The following CPA6 variants were observed in gnomAD, a reference collection of about 807,000 sequenced individuals.
CPA6 encodes carboxypeptidase A6.
Under a neutral mutation model 63.3 loss-of-function variants are expected in CPA6, and 58 were observed. That is an observed-to-expected ratio of 0.92 (90% confidence interval 0.74 to 1.14). CPA6 has a LOEUF of 1.14. Among genes scored for constraint, CPA6 ranks in the 50% most tolerant of loss-of-function variants. CPA6 has a pLI of 0.00. For synonymous variants in CPA6, 185 were observed against 179.0 expected (o/e 1.03, Z -0.27); for missense variants, 565 against 526.6 (o/e 1.07, Z -0.71).
intron 1 of CPA6, among the ~76,000 whole-genome samples, chr8:67,697,190 C>T (rs1816927712): frequency 6.6e-6 from 1 of 152,196 alleles, no homozygotes; most frequent in Non-Finnish European, 1.5e-5. Flanking sequence ...CTGGGAACAC[C>T]ACGAGGGCAG....
At chr8:67,472,574 C>T (rs1334317469) in intron 8 of CPA6, among the ~76,000 whole-genome samples, 3 of 151,920 alleles carry the variant, frequency 2.0e-5, no homozygotes, top group Non-Finnish European at 2.9e-5. Context: ...TACAGGCATA[C>T]GTCACCATGC....
chr8:67,570,855 A>G (rs759392942), intron 2 of CPA6, among the ~76,000 whole-genome samples: 8 of 152,190 alleles, frequency 5.3e-5, no homozygotes, highest in Non-Finnish European at 1.2e-4. Flanking sequence ...AGCATTAATT[A>G]CCTTGAATGT....
At chr8:67,636,252 G>A (rs1815467442) in intron 1 of CPA6, among the ~76,000 whole-genome samples, 1 of 151,582 alleles carries the variant, frequency 6.6e-6, no homozygotes, top group African/African-American at 2.4e-5. Flanking sequence ...CAAGCTCACT[G>A]TGGACTCTTG....
chr8:67,601,407 C>G (rs1004086866), intron 2 of CPA6, among the ~76,000 whole-genome samples: 1 of 152,144 alleles, frequency 6.6e-6, no homozygotes, highest in African/African-American at 2.4e-5. Context: ...GGTTCTTTGA[C>G]AGCACTGGAA....
intron 6 of CPA6, among the ~76,000 whole-genome samples, chr8:67,501,130 G>T (rs1811822826): frequency 1.3e-5 from 2 of 152,018 alleles, no homozygotes; most frequent in Non-Finnish European, 2.9e-5. Context: ...GATAGGAATT[G>T]TGTTAAATCT....
chr8:67,613,989 T>A (rs1177706884), intron 2 of CPA6, among the ~76,000 whole-genome samples: 1 of 152,002 alleles, frequency 6.6e-6, no homozygotes, highest in African/African-American at 2.4e-5. Flanking sequence ...CATCCCAGGA[T>A]AGGGATAGCC....
At chr8:67,633,534 A>C (rs1815392296) in intron 1 of CPA6, among the ~76,000 whole-genome samples, 1 of 152,118 alleles carries the variant, frequency 6.6e-6, no homozygotes. Context: ...ACAAAAAATT[A>C]GCCGGGCGTG....
chr8:67,567,362 T>C (rs191914188), intron 2 of CPA6, among the ~76,000 whole-genome samples: 1 of 152,244 alleles, frequency 6.6e-6, no homozygotes, highest in African/African-American at 2.4e-5. Context: ...AAATTGCTCC[T>C]ACTTTGTATT....
At chr8:67,440,728 T>C (rs1189118704) in intron 8 of CPA6, among the ~76,000 whole-genome samples, 1 of 152,154 alleles carries the variant, frequency 6.6e-6, no homozygotes, top group African/African-American at 2.4e-5. Context: ...CTAGATACTA[T>C]AGGCAATTAT....
intron 2 of CPA6, among the ~76,000 whole-genome samples, chr8:67,518,870 T>A (rs1234073773): frequency 1.3e-5 from 2 of 152,132 alleles, no homozygotes; most frequent in Non-Finnish European, 2.9e-5. Context: ...CTCCAATTCC[T>A]ACTCAGCCTT....
At chr8:67,448,940 T>C (rs545253673) in intron 8 of CPA6, among the ~76,000 whole-genome samples, 23 of 152,110 alleles carry the variant, frequency 1.5e-4, no homozygotes, top group Non-Finnish European at 2.9e-4. Flanking sequence ...AATTAAAACA[T>C]TACTTTGGTT....
chr8:67,712,253 G>C (rs186139660), intron 1 of CPA6, among the ~76,000 whole-genome samples: 1 of 152,270 alleles, frequency 6.6e-6, no homozygotes, highest in East Asian at 1.9e-4. Flanking sequence ...ACAACCTTAT[G>C]CCTTGGAGGG....
intron 2 of CPA6, among the ~76,000 whole-genome samples, chr8:67,519,292 G>C (rs1812212807): frequency 6.6e-6 from 1 of 152,258 alleles, no homozygotes; most frequent in African/African-American, 2.4e-5. Flanking sequence ...CAGGAGTTTG[G>C]AGCATCATTT....
At chr8:67,708,728 C>T (rs1324608138) in intron 1 of CPA6, among the ~76,000 whole-genome samples, 2 of 152,154 alleles carry the variant, frequency 1.3e-5, no homozygotes, top group Non-Finnish European at 2.9e-5. Context: ...ACAGAAAAAT[C>T]ACCAATGCCC....
chr8:67,635,690 C>T (rs1815453161), intron 1 of CPA6, among the ~76,000 whole-genome samples: 1 of 151,750 alleles, frequency 6.6e-6, no homozygotes, highest in East Asian at 1.9e-4. Context: ...TCACTTGAAC[C>T]TGGGAGGTGG....
At chr8:67,744,313 A>T (rs1421145635) in intron 1 of CPA6, among the ~76,000 whole-genome samples, 1 of 152,176 alleles carries the variant, frequency 6.6e-6, no homozygotes, top group African/African-American at 2.4e-5. Context: ...GGATTAACTT[A>T]TGTAGCAACT....
chr8:67,626,896 T>G (rs1815205875), intron 1 of CPA6, among the ~76,000 whole-genome samples: 1 of 151,852 alleles, frequency 6.6e-6, no homozygotes, highest in Admixed American at 6.6e-5. Context: ...AGATGGATAA[T>G]TCAACCTGGC....
intron 2 of CPA6, among the ~76,000 whole-genome samples, chr8:67,619,392 T>C (rs778360165): frequency 6.6e-6 from 1 of 152,182 alleles, no homozygotes; most frequent in South Asian, 2.1e-4. Flanking sequence ...AGTCCCGACA[T>C]GGCTGGCTAG....
At chr8:67,725,378 A>G (rs1356464428) in intron 1 of CPA6, among the ~76,000 whole-genome samples, 1 of 152,208 alleles carries the variant, frequency 6.6e-6, no homozygotes, top group Non-Finnish European at 1.5e-5. Context: ...AGGCCTCAGT[A>G]TATGCTGTTG....
Sources: allele counts gnomAD v4.1 joint callset (sites outside exome capture counted in the v4.1 genomes callset), GRCh38; gene constraint gnomAD v4.1.1; transcripts MANE v1.5; gene names NCBI Gene and HGNC (gene_info 2026-07-23, HGNC 2026-07-21).